ADGRV1: variants seen among roughly 807,000 people sequenced by gnomAD.
ADGRV1 encodes adhesion G protein-coupled receptor V1.
A neutral mutation model predicts 596.2 loss-of-function variants in ADGRV1; 359 were observed. That is an observed-to-expected ratio of 0.60 (90% confidence interval 0.55 to 0.66). The LOEUF is 0.66. ADGRV1 is among the 30% of genes least tolerant of loss of function. The pLI, the probability that ADGRV1 is intolerant of heterozygous loss-of-function variation, is 0.00. For missense variants in ADGRV1, 7,274 were observed against 7,575.6 expected, an observed-to-expected ratio of 0.96 and a Z score of 1.48; for synonymous variants, 2,681 against 2,679.2, an observed-to-expected ratio of 1.00 and a Z score of -0.02.
chr5:90,978,020 G>A (rs988196462), intron 84 of ADGRV1, among the ~76,000 whole-genome samples: 7 of 152,058 alleles, frequency 4.6e-5, no homozygotes, highest in African/African-American at 7.2e-5. Flanking sequence ...GTTTTGACTG[G>A]GCACGGTAGC....
chr5:90,672,230 A>G (rs528179895), intron 21 of ADGRV1, among the ~76,000 whole-genome samples: 16 of 152,322 alleles, frequency 1.1e-4, no homozygotes, highest in African/African-American at 3.6e-4. Context: ...ATTAAAAACT[A>G]TTTTGCAACC....
Position 91,114,279 on chromosome 5 carries a change from C to T in ADGRV1, c.18432+11939C>T, listed in dbSNP as rs190379639. 9.9e-4 allele frequency among the ~76,000 whole-genome samples: 150 copies of T among 152,010 alleles called. No homozygotes were observed. In the East Asian group the frequency reaches 0.011, roughly 11 times the overall value. ...CAGTGGGTCAAGCCTGTAATCCCAG[C>T]ACTTTGGGAAGCTGAGGTGGGTGGA... is the stretch of plus-strand genomic sequence containing the variant. On this transcript the variant is annotated intron_variant, in intron 87 of 89. Coordinates refer to ENST00000405460, the MANE Select transcript of ADGRV1 (RefSeq NM_032119.4).
chr5:91,113,120 A>G (rs914769029), intron 87 of ADGRV1, among the ~76,000 whole-genome samples: 5 of 152,146 alleles, frequency 3.3e-5, no homozygotes, highest in Admixed American at 6.6e-5. Flanking sequence ...TGTAACTACC[A>G]TCACATTCCT....
intron 82 of ADGRV1, among the ~76,000 whole-genome samples, chr5:90,856,423 A>G (rs1767030203): frequency 6.6e-6 from 1 of 152,320 alleles, no homozygotes; most frequent in South Asian, 2.1e-4. Context: ...TCTAGGCCTC[A>G]TATTTGGCAG....
In ADGRV1 at chr5:90,729,681, G is replaced by T. The variant is rs780372483; in HGVS notation, c.10466G>T (p.Gly3489Val). 6.2e-7 allele frequency: 1 copy of T among 1,604,872 alleles called. No individual in the cohort carries two copies. The highest frequency in any genetic ancestry group is 2.2e-5 in the East Asian group (1 of 44,788). ...NSIDIFIWEM[G>V]QSSFRYFQSV... Reference sequence around the variant, plus strand: ...ATTGATATTTTCATCTGGGAGATGGGACAGTCTTCCTTCAGGTATTTTCAG... The same window carrying T: ...ATTGATATTTTCATCTGGGAGATGGTACAGTCTTCCTTCAGGTATTTTCAG... The change falls in exon 50 of 90, where the codon GGA becomes GTA. Residue 3489 changes from glycine (G) to valine (V), a missense_variant. Gly to Val is a moderately radical substitution (Grantham distance 109, BLOSUM62 -3). Transcript: ENST00000405460.
chr5:90,645,868 G>A, intron 15 of ADGRV1, 100 bp from the exon 16 acceptor site: 2 of 914,490 alleles, frequency 2.2e-6, no homozygotes, highest in Non-Finnish European at 3.0e-6. Flanking sequence ...TAATGGTAGT[G>A]TTAATGGTGC....
At chr5:90,655,506 A>T (rs1488757783) in intron 20 of ADGRV1, 1 of 152,112 alleles carries the variant, frequency 6.6e-6, no homozygotes, top group African/African-American at 2.4e-5. Context: ...GGATACTCTT[A>T]TACATGTTTT....
chr5:90,637,080 A>G (rs1766306833), intron 10 of ADGRV1, among the ~76,000 whole-genome samples: 1 of 152,170 alleles, frequency 6.6e-6, no homozygotes, highest in African/African-American at 2.4e-5. Flanking sequence ...TACTTTACTT[A>G]AACAATTCCT....
At chr5:90,726,136 A>C (rs1209430487) in intron 48 of ADGRV1, among the ~76,000 whole-genome samples, 1 of 152,222 alleles carries the variant, frequency 6.6e-6, no homozygotes, top group Non-Finnish European at 1.5e-5. Flanking sequence ...GTTGAAGTGA[A>C]AGCTACCAAA....
intron 85 of ADGRV1, among the ~76,000 whole-genome samples, chr5:90,991,337 A>C (rs182814212): frequency 1.6e-3 from 251 of 152,392 alleles, no homozygotes; most frequent in Non-Finnish European, 2.6e-3. Context: ...GACTATATAC[A>C]AAGGCTTAAG....
chr5:91,042,227 C>T (rs1785422142), intron 85 of ADGRV1, among the ~76,000 whole-genome samples: 1 of 152,132 alleles, frequency 6.6e-6, no homozygotes, highest in African/African-American at 2.4e-5. Flanking sequence ...TTATCTTTAT[C>T]TTAAATAATA....
At chr5:90,919,514 C>G (rs1773684829) in intron 83 of ADGRV1, among the ~76,000 whole-genome samples, 1 of 152,166 alleles carries the variant, frequency 6.6e-6, no homozygotes, top group African/African-American at 2.4e-5. Flanking sequence ...AAAATAACAA[C>G]TGGACTTTGA....
intron 50 of ADGRV1, among the ~76,000 whole-genome samples, chr5:90,738,845 T>C (rs1753589454): frequency 6.6e-6 from 1 of 152,162 alleles, no homozygotes; most frequent in Non-Finnish European, 1.5e-5. Flanking sequence ...TTCCCCAGAT[T>C]TAGGCATTTT....
intron 1 of ADGRV1, among the ~76,000 whole-genome samples, chr5:90,582,147 T>C (rs1489509638): frequency 2.0e-5 from 3 of 150,624 alleles, no homozygotes; most frequent in Non-Finnish European, 4.4e-5. Flanking sequence ...TGTATGCAGA[T>C]GAGAAGATGT....
intron 79 of ADGRV1, among the ~76,000 whole-genome samples, chr5:90,852,208 A>C (rs907520314): frequency 6.6e-6 from 1 of 152,168 alleles, no homozygotes; most frequent in Non-Finnish European, 1.5e-5. Context: ...CTGAGGTTAC[A>C]GAGGAGATTT....
At chr5:91,152,979 A>T (rs1796182892) in intron 88 of ADGRV1, among the ~76,000 whole-genome samples, 1 of 152,168 alleles carries the variant, frequency 6.6e-6, no homozygotes, top group Non-Finnish European at 1.5e-5. Context: ...GCACTTTGAG[A>T]GGCTGAGGCA....
intron 9 of ADGRV1, among the ~76,000 whole-genome samples, chr5:90,633,858 A>T (rs1294941635): frequency 6.6e-6 from 1 of 152,134 alleles, no homozygotes; most frequent in Non-Finnish European, 1.5e-5. Context: ...TCTCCTGTAT[A>T]TGATTTTTTA....
At chr5:90,989,107 G>A in intron 85 of ADGRV1, among the ~76,000 whole-genome samples, 1 of 152,118 alleles carries the variant, frequency 6.6e-6, no homozygotes, top group South Asian at 2.1e-4. Context: ...ACATACGTGT[G>A]CATGTGTCTT....
intron 79 of ADGRV1, among the ~76,000 whole-genome samples, chr5:90,849,692 A>G (rs539890696): frequency 1.3e-5 from 2 of 152,280 alleles, no homozygotes; most frequent in Admixed American, 1.3e-4. Context: ...GCCCAGCCCA[A>G]TGTTAGTTCC....
Sources: gnomAD v4.1 joint callset for allele counts (sites outside exome capture counted in the v4.1 genomes callset) on GRCh38, gnomAD v4.1.1 for gene constraint, MANE v1.5 for transcripts, NCBI Gene and HGNC (gene_info 2026-07-23, HGNC 2026-07-21) for gene names.